RANBP2: variants seen among roughly 807,000 people sequenced by gnomAD.
RANBP2 encodes E3 SUMO-protein ligase RanBP2.
Under a neutral mutation model 303.6 loss-of-function variants are expected in RANBP2, and 57 were observed. That is an observed-to-expected ratio of 0.19 (90% CI 0.15 to 0.23). The LOEUF is 0.23. Among genes scored for constraint, RANBP2 ranks in the 10% least tolerant of loss-of-function variants. The pLI is 1.00. For missense variants in RANBP2, 3,138 were observed against 3,780.8 expected (o/e 0.83, Z 4.46); for synonymous variants, 1,167 against 1,301.5 (o/e 0.90, Z 2.23).
chr2:109,431,879 A>G, the RANBP2 span, among the ~76,000 whole-genome samples: 1 of 152,294 alleles, frequency 6.6e-6, no homozygotes, highest in African/African-American at 2.4e-5. Flanking sequence ...TCAAAAAAAA[A>G]AAGGTCAAGT....
the RANBP2 span, among the ~76,000 whole-genome samples, chr2:109,242,210 C>G: frequency 6.6e-6 from 1 of 152,054 alleles, no homozygotes; most frequent in Non-Finnish European, 1.5e-5. Flanking sequence ...TCCTGCTGTT[C>G]TCAACTTTGG....
chr2:109,564,366 C>T, the RANBP2 span: 2 of 1,550,892 alleles, frequency 1.3e-6, no homozygotes, highest in Admixed American at 1.9e-5. Flanking sequence ...CCCACCCTAC[C>T]TGACTGGCTT....
the RANBP2 span, among the ~76,000 whole-genome samples, chr2:109,198,906 G>T: frequency 6.6e-6 from 1 of 152,176 alleles, no homozygotes; most frequent in East Asian, 1.9e-4. Flanking sequence ...AAATGTTTGC[G>T]TAGCTAAATG....
the RANBP2 span, among the ~76,000 whole-genome samples, chr2:109,013,053 C>T: frequency 2.0e-5 from 3 of 152,234 alleles, no homozygotes; most frequent in Non-Finnish European, 4.4e-5. Flanking sequence ...GTGAGTTTAA[C>T]ACCTAACACC....
chr2:109,248,656 C>T, the RANBP2 span, among the ~76,000 whole-genome samples: 1 of 152,172 alleles, frequency 6.6e-6, no homozygotes. Flanking sequence ...ATAATTAGTA[C>T]ACTTGGTGAG....
chr2:108,881,363 A>G, the RANBP2 span, among the ~76,000 whole-genome samples: 7 of 152,198 alleles, frequency 4.6e-5, no homozygotes, highest in Non-Finnish European at 8.8e-5. Flanking sequence ...GGGCCTTGCT[A>G]TGGATTAGGC....
At chr2:109,255,036 A>G in the RANBP2 span, among the ~76,000 whole-genome samples, 330 of 152,312 alleles carry the variant, frequency 2.2e-3, no homozygotes, top group Non-Finnish European at 3.3e-3. Context: ...GATGGCTCCA[A>G]CACTGTACAA....
chr2:108,725,918 C>T (rs1172941073), intron 1 of RANBP2, among the ~76,000 whole-genome samples: 1 of 151,928 alleles, frequency 6.6e-6, no homozygotes, highest in Non-Finnish European at 1.5e-5. Flanking sequence ...GCATACAAGT[C>T]TCTCACCTCC....
chr2:108,812,771 C>G, the RANBP2 span: 1 of 1,611,084 alleles, frequency 6.2e-7, no homozygotes, highest in Non-Finnish European at 8.5e-7. Context: ...TTTGAGTTTA[C>G]TCATTTAGAT....
At chr2:109,700,606 G>A in the RANBP2 span, among the ~76,000 whole-genome samples, 6 of 152,002 alleles carry the variant, frequency 3.9e-5, no homozygotes, top group East Asian at 3.9e-4. Context: ...TGAATAGAAC[G>A]GGAGGCAGGT....
the RANBP2 span, among the ~76,000 whole-genome samples, chr2:109,131,514 C>T: frequency 6.6e-6 from 1 of 152,232 alleles, no homozygotes; most frequent in South Asian, 2.1e-4. Context: ...ATTCGGAGCC[C>T]CGCTTCTAGT....
intron 21 of RANBP2, among the ~76,000 whole-genome samples, chr2:108,772,174 C>T (rs992256505): frequency 6.6e-6 from 1 of 152,092 alleles, no homozygotes; most frequent in Non-Finnish European, 1.5e-5. Flanking sequence ...GGACAAGGTT[C>T]CAGTGGAAAA....
chr2:109,073,032 A>G, the RANBP2 span, among the ~76,000 whole-genome samples: 42 of 152,332 alleles, frequency 2.8e-4, no homozygotes, highest in African/African-American at 9.4e-4. Flanking sequence ...AAGACAATGA[A>G]CAAACAGGAA....
chr2:109,141,889 G>T, the RANBP2 span, among the ~76,000 whole-genome samples: 1 of 152,082 alleles, frequency 6.6e-6, no homozygotes, highest in Admixed American at 6.5e-5. Flanking sequence ...GCTGTCGGCT[G>T]CCTGCTTCTC....
chr2:109,473,630 G>T, the RANBP2 span, among the ~76,000 whole-genome samples: 1 of 152,184 alleles, frequency 6.6e-6, no homozygotes, highest in African/African-American at 2.4e-5. Context: ...CAAGGTTCAA[G>T]GGGGAGGGAT....
At chr2:108,960,031 G>A in the RANBP2 span, among the ~76,000 whole-genome samples, 10 of 152,132 alleles carry the variant, frequency 6.6e-5, no homozygotes, top group African/African-American at 1.7e-4. Flanking sequence ...ACGTGGCCAC[G>A]GTGGCTCTGA....
the RANBP2 span, among the ~76,000 whole-genome samples, chr2:109,210,507 G>T: frequency 6.6e-6 from 1 of 152,218 alleles, no homozygotes; most frequent in Non-Finnish European, 1.5e-5. Flanking sequence ...AGTGGCTGGA[G>T]TAACACCAAC....
At chr2:109,405,572 C>T in the RANBP2 span, among the ~76,000 whole-genome samples, 5 of 152,340 alleles carry the variant, frequency 3.3e-5, 2 homozygotes, top group Middle Eastern at 0.01. Context: ...CTGCCCATGT[C>T]CCTTTTGCTG....
chr2:109,369,804 G>A, the RANBP2 span, among the ~76,000 whole-genome samples: 6 of 152,128 alleles, frequency 3.9e-5, no homozygotes, highest in Admixed American at 1.3e-4. Context: ...CTCCGCTCCC[G>A]GTGAAGCAGT....
Sources: allele counts gnomAD v4.1 joint callset (sites outside exome capture counted in the v4.1 genomes callset), GRCh38; gene constraint gnomAD v4.1.1; transcripts MANE v1.5; gene names NCBI Gene and HGNC (gene_info 2026-07-23, HGNC 2026-07-21).